Variants in HIVEP3 observed in about 807,000 individuals in gnomAD.
The protein encoded by HIVEP3 is transcription factor HIVEP3.
Under a neutral mutation model 152.8 loss-of-function variants are expected in HIVEP3, and 49 were observed. The observed-to-expected ratio is 0.32, with a 90% CI of 0.26 to 0.41. HIVEP3 has a LOEUF of 0.41. HIVEP3 is among the 10% of genes least tolerant of loss of function. The pLI is 1.00. For missense variants in HIVEP3, 2,790 were observed against 3,103.3 expected, an observed-to-expected ratio of 0.90 and a Z score of 2.40; for synonymous variants, 1,269 against 1,289.0, an observed-to-expected ratio of 0.98 and a Z score of 0.33.
intron 3 of HIVEP3, among the ~76,000 whole-genome samples, chr1:41,623,718 G>A (rs10890146): frequency 0.62 from 93,594 of 152,020 alleles, 29,370 homozygotes; most frequent in African/African-American, 0.74. Context: ...CACCATCCAG[G>A]GAACCTGACA....
chr1:41,878,849 CCT>C (rs1464927388), intron 1 of HIVEP3, among the ~76,000 whole-genome samples: 4 of 148,350 alleles, frequency 2.7e-5, no homozygotes, highest in Non-Finnish European at 4.5e-5. Flanking sequence ...CATCTCCTGC[CCT>C]CTCTTCTTCC....
intron 1 of HIVEP3, among the ~76,000 whole-genome samples, chr1:41,902,364 A>G (rs783621): frequency 0.51 from 78,098 of 151,728 alleles, 20,438 homozygotes; most frequent in Middle Eastern, 0.58. Flanking sequence ...GAAAGGGGAG[A>G]GGCCAAGCCA....
At chr1:41,691,152 T>C (rs758706617) in intron 2 of HIVEP3, among the ~76,000 whole-genome samples, 1 of 152,210 alleles carries the variant, frequency 6.6e-6, no homozygotes, top group African/African-American at 2.4e-5. Flanking sequence ...GTGTGGCACA[T>C]AGCAAGCAAT....
At chr1:41,553,639 G>A (rs1643922314) in intron 5 of HIVEP3, among the ~76,000 whole-genome samples, 1 of 152,186 alleles carries the variant, frequency 6.6e-6, no homozygotes, top group South Asian at 2.1e-4. Context: ...GGCTGGTACT[G>A]GTTGTTCCTT....
chr1:41,513,895 A>C, intron 7 of HIVEP3, 145 bp from the exon 8 acceptor site: 1 of 603,452 alleles, frequency 1.7e-6, no homozygotes, highest in East Asian at 3.0e-5. Context: ...TGGGACAACC[A>C]AGAAACGTAA....
chr1:41,784,534 C>T (rs538559099), intron 1 of HIVEP3, among the ~76,000 whole-genome samples: 15 of 152,326 alleles, frequency 9.8e-5, no homozygotes, highest in African/African-American at 3.1e-4. Flanking sequence ...AGAGCAATTG[C>T]TCTTGACTTG....
intron 1 of HIVEP3, among the ~76,000 whole-genome samples, chr1:42,021,362 A>T (rs1357303031): frequency 6.6e-6 from 1 of 152,162 alleles, no homozygotes; most frequent in Non-Finnish European, 1.5e-5. Context: ...TGAGAGTTAT[A>T]GGAAAGAAAA....
Position 41,582,847 on chromosome 1 carries a change from G to A in HIVEP3, c.1951C>T (p.Arg651Trp), listed in dbSNP as rs749654771. 10 of 1,614,036 alleles carry A rather than the reference G, an allele frequency of 6.2e-6. No individual in the cohort carries two copies. The highest frequency in any genetic ancestry group is 8.5e-6 in the Non-Finnish European group (10 of 1,180,014). The change falls in exon 4 of 9, where the codon CGG becomes TGG. Residue 651 changes from arginine (R) to tryptophan (W), a missense_variant. This residue lies in a region of HIVEP3 where 339 missense variants were observed against 327.0 expected (regional missense o/e 1.04). Coordinates refer to ENST00000372583, the MANE Select transcript of HIVEP3 (RefSeq NM_024503.5). The surrounding 1 kb of genome is among the most constrained non-coding windows in gnomAD (Gnocchi z 4.7). ...TCGTAGTTATCCCTTTTCTTGTACC[G>A]AGCACCACATATGTTACATTCGTAG... The part of the protein sequence containing the change: ...VIYECNICGA[R>W]YKKRDNYEAH...
rs575937173 is a variant in HIVEP3, at chr1:41,736,678, C to T, written c.-800-35683G>A. ...AGGGCGTGCATTTCTGGCTTCCCTC[C>T]GCAAACTTTCACTGCCTTCCAGACT... is the stretch of plus-strand genomic sequence containing the variant. On this transcript the variant is annotated intron_variant, in intron 1 of 8. Transcript: ENST00000372583. Among the ~76,000 whole-genome samples, 177 of 152,310 alleles carry T rather than the reference C, an allele frequency of 1.2e-3. 3 individuals carry two copies. Among genetic ancestry groups the T allele is most frequent in the African/African-American group, 1.9e-3 (81 of 41,558 alleles).
At chr1:41,866,027 G>A (rs1461264863) in intron 1 of HIVEP3, among the ~76,000 whole-genome samples, 1 of 152,188 alleles carries the variant, frequency 6.6e-6, no homozygotes, top group Non-Finnish European at 1.5e-5. Context: ...ATGGCAGCTG[G>A]CAACTGGGCC....
At chr1:41,821,644 CT>C (rs1642606541) in intron 1 of HIVEP3, among the ~76,000 whole-genome samples, 1 of 152,212 alleles carries the variant, frequency 6.6e-6, no homozygotes, top group South Asian at 2.1e-4. Context: ...ACCCAGATCC[CT>C]TTTTACATAT....
At chr1:41,594,693 A>G (rs1431514514) in intron 3 of HIVEP3, among the ~76,000 whole-genome samples, 1 of 152,164 alleles carries the variant, frequency 6.6e-6, no homozygotes, top group African/African-American at 2.4e-5. Context: ...TCTCTTTATC[A>G]TTAGTCTTAG....
intron 1 of HIVEP3, among the ~76,000 whole-genome samples, chr1:41,777,506 C>T (rs1371389239): frequency 6.6e-6 from 1 of 152,228 alleles, no homozygotes; most frequent in Non-Finnish European, 1.5e-5. Flanking sequence ...CCCAGTGAAG[C>T]CAAGTCCCTG....
chr1:41,996,915 C>T (rs964084748), intron 1 of HIVEP3, among the ~76,000 whole-genome samples: 2 of 152,168 alleles, frequency 1.3e-5, no homozygotes, highest in African/African-American at 4.8e-5. Flanking sequence ...AAGGCAGCAG[C>T]ATAGCACATC....
intron 2 of HIVEP3, among the ~76,000 whole-genome samples, chr1:41,635,720 G>A (rs28635337): frequency 0.54 from 81,599 of 151,466 alleles, 22,377 homozygotes; most frequent in African/African-American, 0.6. Context: ...TGGACAAATC[G>A]GTGGCAAATC....
chr1:41,869,585 T>C (rs1321996049), intron 1 of HIVEP3: 1 of 152,206 alleles, frequency 6.6e-6, no homozygotes, highest in Non-Finnish European at 1.5e-5. Context: ...GACTGTTATC[T>C]CCCTGCACAG....
intron 1 of HIVEP3, among the ~76,000 whole-genome samples, chr1:42,031,755 A>G (rs1461292677): frequency 6.6e-6 from 1 of 152,174 alleles, no homozygotes; most frequent in Non-Finnish European, 1.5e-5. Flanking sequence ...CCACATACAC[A>G]ATATCTTCCA....
intron 1 of HIVEP3, among the ~76,000 whole-genome samples, chr1:41,824,776 T>TAGAGAGAGAG (rs1642728605): frequency 1.6e-4 from 2 of 12,308 alleles, no homozygotes; most frequent in Non-Finnish European, 3.5e-4. Context: ...TATATATATA[T>TAGAGAGAGAG]ATATATATAG....
intron 1 of HIVEP3, among the ~76,000 whole-genome samples, chr1:41,757,349 C>T (rs34411824): frequency 0.48 from 73,319 of 151,642 alleles, 20,119 homozygotes; most frequent in Non-Finnish European, 0.63. Flanking sequence ...GATCTCCTGA[C>T]GTCGTGATCC....
Sources: allele counts gnomAD v4.1 joint callset (sites outside exome capture counted in the v4.1 genomes callset), GRCh38; gene constraint gnomAD v4.1.1; regional missense constraint gnomAD v4.1.1; non-coding constraint Gnocchi (gnomAD v3.1); transcripts MANE v1.5; gene names NCBI Gene and HGNC (gene_info 2026-07-23, HGNC 2026-07-21).